SPECC1L: variants seen among roughly 807,000 people sequenced by gnomAD.
SPECC1L encodes cytospin-A.
Under a neutral mutation model 116.8 loss-of-function variants are expected in SPECC1L, and 40 were observed. The ratio of observed to expected loss-of-function variants is 0.34; its 90% confidence interval spans 0.27 to 0.45. The LOEUF (loss-of-function observed/expected upper bound fraction) is 0.45, where lower values mean the gene tolerates loss of function less well. Ranked by LOEUF, SPECC1L falls within the 20% of genes least tolerant of loss-of-function variation. The pLI, the probability that SPECC1L is intolerant of heterozygous loss-of-function variation, is 1.00. For synonymous variants in SPECC1L, 504 were observed against 500.6 expected, an observed-to-expected ratio of 1.01 and a Z score of -0.09; for missense variants, 1,110 against 1,373.6, an observed-to-expected ratio of 0.81 and a Z score of 3.03.
chr22:24,311,145 G>A (rs1272435615), intron 3 of SPECC1L, among the ~76,000 whole-genome samples: 2 of 152,114 alleles, frequency 1.3e-5, no homozygotes. Flanking sequence ...CATTATAAGT[G>A]CAAAGTTTAT....
intron 12 of SPECC1L, among the ~76,000 whole-genome samples, chr22:24,363,589 T>C (rs1278756643): frequency 6.6e-6 from 1 of 152,204 alleles, no homozygotes; most frequent in African/African-American, 2.4e-5. Context: ...CCAAAGCCTT[T>C]TTCTGTGTGT....
intron 10 of SPECC1L, among the ~76,000 whole-genome samples, chr22:24,342,848 GAA>G (rs1241135332): frequency 6.6e-6 from 1 of 151,890 alleles, no homozygotes; most frequent in East Asian, 1.9e-4. Flanking sequence ...TGGAGCCCAA[GAA>G]AAAAAGGCGG....
chr22:24,383,792 A>AAT, intron 14 of SPECC1L, among the ~76,000 whole-genome samples: 1 of 77,338 alleles, frequency 1.3e-5, no homozygotes. Context: ...ACCCACCACT[A>AAT]TTTTTTTTTT....
At chr22:24,318,220 G>A (rs1601545942) in intron 4 of SPECC1L, among the ~76,000 whole-genome samples, 2 of 152,250 alleles carry the variant, frequency 1.3e-5, no homozygotes, top group African/African-American at 4.8e-5. Context: ...CTGCACTCCA[G>A]CCTGGGCACC....
At chr22:24,287,242 T>C (rs532432139) in intron 2 of SPECC1L, among the ~76,000 whole-genome samples, 2,777 of 152,016 alleles carry the variant, frequency 0.018, 72 homozygotes, top group African/African-American at 0.061. Flanking sequence ...GGAAATGAGA[T>C]GGAGGGATGG....
chr22:24,412,559 C>A, intron 15 of SPECC1L, 89 bp from the exon 16 acceptor site: 1 of 1,211,340 alleles, frequency 8.3e-7, no homozygotes, highest in Non-Finnish European at 1.2e-6. Flanking sequence ...TGTCGTCCTT[C>A]AGATGCATCT....
chr22:24,357,956 A>C (rs1345622704), intron 11 of SPECC1L, among the ~76,000 whole-genome samples: 2 of 151,988 alleles, frequency 1.3e-5, no homozygotes, highest in Admixed American at 6.6e-5. Flanking sequence ...AGCTGCTTTT[A>C]AGTTCTTTTC....
At chr22:24,365,368 T>A in intron 12 of SPECC1L, 108 bp from the exon 13 acceptor site, 2 of 1,016,158 alleles carry the variant, frequency 2.0e-6, no homozygotes, top group East Asian at 4.9e-5. Flanking sequence ...TAGTTTTTCC[T>A]CCTGTATGGT....
chr22:24,321,504 T>A lies in SPECC1L; in HGVS notation c.524T>A (p.Ile175Asn). Reference sequence around the variant, plus strand: ...AGCAAGTCTAAGTCAGACAATCAGATCAGTGACAGAGCTGCTTTGGAGGCC... The same window carrying A: ...AGCAAGTCTAAGTCAGACAATCAGAACAGTGACAGAGCTGCTTTGGAGGCC... Reference protein sequence around the residue: ...RMSKSKSDNQISDRAALEAKV... With the variant: ...RMSKSKSDNQNSDRAALEAKV... Residue 175 changes from isoleucine to asparagine, a missense_variant, in exon 5 of 17, where the codon ATC (isoleucine) becomes AAC (asparagine). By Grantham distance (149) the Ile-to-Asn change is moderately radical. Coordinates refer to ENST00000314328, the MANE Select transcript of SPECC1L (RefSeq NM_015330.6). The A allele has an allele frequency of 1.2e-6, 2 of 1,614,228 alleles. No individual in the cohort carries two copies. The highest frequency in any genetic ancestry group is 1.7e-6 in the Non-Finnish European group (2 of 1,180,046).
rs1037613610 is a variant in SPECC1L, at chr22:24,338,405, T to G, written c.2580T>G (p.Ala860=). Residue 860 remains alanine (A), a synonymous_variant, in exon 10 of 17, where the codon GCT becomes GCG. Transcript: ENST00000314328. ...SASQVPNPAA[A]AIPRTPLSPS... ...TTGTAGTACCAAACCCTGCTGCAGC[T>G]GCAATTCCTCGAACGCCCCTGAGCC... 2 of 1,613,912 alleles carry G rather than the reference T, an allele frequency of 1.2e-6. No individual in the cohort carries two copies. The highest frequency in any genetic ancestry group is 1.7e-6 in the Non-Finnish European group (2 of 1,179,946).
In SPECC1L at chr22:24,393,620, T is replaced by TACCTAAATGTGTTTGTGGC. The variant is rs2042312012; in HGVS notation, c.3088-17967_3088-17949dup. Among the ~76,000 whole-genome samples the TACCTAAATGTGTTTGTGGC allele has an allele frequency of 2.6e-5, 4 of 152,342 alleles. No homozygotes were observed. In the South Asian group the frequency reaches 8.3e-4, roughly 32 times the overall value. On this transcript the variant is annotated intron_variant, in intron 14 of 16. Transcript: ENST00000314328. ...TCTAAAACAGAGAGAGCCTGTGTGG[T>TACCTAAATGTGTTTGTGGC]ACCTAAATGTGTTTGTGGCCTTGGG...
chr22:24,281,364 G>A lies in SPECC1L; in HGVS notation c.-38+4561G>A, dbSNP rs547704847. Among the ~76,000 whole-genome samples, 14 of 152,244 alleles carry A rather than the reference G, an allele frequency of 9.2e-5. No homozygotes were observed. In the South Asian group the frequency reaches 2.1e-3, roughly 23 times the overall value. ...CAAAAAAGCTCCTGGAATTTCTGTT[G>A]GGATTGTTTTGATTCTGTAGATAAT... On this transcript the variant is annotated intron_variant, in intron 2 of 16. Coordinates refer to ENST00000314328, the MANE Select transcript of SPECC1L (RefSeq NM_015330.6).
intron 10 of SPECC1L, among the ~76,000 whole-genome samples, chr22:24,340,205 A>G (rs942845517): frequency 4.3e-5 from 6 of 140,712 alleles, no homozygotes; most frequent in Admixed American, 7.3e-5. Context: ...CTGGAATGAA[A>G]TGGCATGATT....
At position 24,390,887 on chromosome 22, in the gene SPECC1L, T is replaced by TTC. The variant is rs2042258756; in HGVS notation, c.3088-20700_3088-20699insCT. Among the ~76,000 whole-genome samples, 3 of 129,734 alleles carry TTC rather than the reference T, an allele frequency of 2.3e-5. No individual in the cohort carries two copies. The South Asian group carries it at 8.0e-4, about 35-fold the overall frequency. 85.1% of individuals were successfully genotyped at this position (129,734 alleles called of 152,430 possible). A position where few individuals can be genotyped will look rare whatever the true frequency, so the allele number is the denominator to read the frequency against. The stretch of plus-strand genomic sequence containing the variant: ...TTTTTCTTTTCTTTTTTTTTTTTTT[T>TTC]TTTTTTTTTTTGAGTCAGAGTCTCA... On this transcript the variant is annotated intron_variant, in intron 14 of 16. Transcript: ENST00000314328.
At chr22:24,381,294 A>G (rs1348210623) in intron 14 of SPECC1L, among the ~76,000 whole-genome samples, 1 of 152,232 alleles carries the variant, frequency 6.6e-6, no homozygotes, top group South Asian at 2.1e-4. Context: ...CTAGACCTAG[A>G]AATGGATTGG....
At chr22:24,384,697 G>A (rs953068773) in intron 14 of SPECC1L, among the ~76,000 whole-genome samples, 2 of 152,144 alleles carry the variant, frequency 1.3e-5, no homozygotes, top group Non-Finnish European at 2.9e-5. Context: ...GAGTTACTGA[G>A]AACTTAAAAT....
intron 14 of SPECC1L, among the ~76,000 whole-genome samples, chr22:24,379,769 A>G (rs552060171): frequency 6.6e-6 from 1 of 152,310 alleles, no homozygotes; most frequent in East Asian, 1.9e-4. Flanking sequence ...TGTGAGACAG[A>G]TATCTATCTG....
intron 14 of SPECC1L, among the ~76,000 whole-genome samples, chr22:24,406,175 CAG>C (rs2042587754): frequency 6.6e-6 from 1 of 152,192 alleles, no homozygotes; most frequent in Non-Finnish European, 1.5e-5. Flanking sequence ...TAGAAAGCAA[CAG>C]AAAGTTTAGT....
At chr22:24,290,511 A>G (rs1317862516) in intron 2 of SPECC1L, among the ~76,000 whole-genome samples, 1 of 152,236 alleles carries the variant, frequency 6.6e-6, no homozygotes, top group Non-Finnish European at 1.5e-5. Context: ...CAAGCATTTA[A>G]AAGTTGTGCC....
Sources: gnomAD v4.1 joint callset for allele counts (sites outside exome capture counted in the v4.1 genomes callset) on GRCh38, gnomAD v4.1.1 for gene constraint, MANE v1.5 for transcripts, NCBI Gene and HGNC (gene_info 2026-07-23, HGNC 2026-07-21) for gene names.